The following INTS1 variants were observed in gnomAD, a reference collection of about 807,000 sequenced individuals.
INTS1 encodes the protein integrator complex subunit 1.
INTS1 carries 137 observed loss-of-function variants against 241.6 expected under a neutral mutation model. The ratio of observed to expected loss-of-function variants is 0.57; its 90% CI spans 0.49 to 0.65. The LOEUF is 0.65. Ranked by LOEUF, INTS1 falls within the 30% of genes least tolerant of loss-of-function variation. INTS1 has a pLI of 0.00. For missense variants in INTS1, 3,073 were observed against 3,032.2 expected (o/e 1.01, Z -0.32); for synonymous variants, 1,692 against 1,337.8 (o/e 1.26, Z -5.78).
At chr7:1,488,159 G>A (rs542671889) in intron 18 of INTS1, among the ~76,000 whole-genome samples, 11 of 152,280 alleles carry the variant, frequency 7.2e-5, no homozygotes, top group South Asian at 2.1e-4. Context: ...CCAGAGGCGC[G>A]GTCCAGCCAC....
Position 1,480,843 on chromosome 7 carries a change from G to A in INTS1, c.3941C>T (p.Pro1314Leu). The A allele has an allele frequency of 6.4e-7, 1 of 1,552,060 alleles. No individual in the cohort carries two copies. The highest frequency in any genetic ancestry group is 8.7e-7 in the Non-Finnish European group (1 of 1,148,660). ...FHSLLTASLP[P>L]RRDSTEAPKP... ...CCACCCCTCCCCAGTACCTCGGCGGGGCGGCAGGGAGGCTGTGAGCAAGGA... is the reference window on the plus strand; with the variant it reads ...CCACCCCTCCCCAGTACCTCGGCGGAGCGGCAGGGAGGCTGTGAGCAAGGA... The change falls in exon 29 of 48, where the codon CCC (proline) becomes CTC (leucine). Residue 1314 changes from proline to leucine, a missense_variant. Transcript: ENST00000404767.
Position 1,493,146 on chromosome 7 carries a change from C to T in INTS1, c.2069-40G>A. On this transcript the variant is annotated intron_variant, in intron 15 of 47. Transcript: ENST00000404767. This position sits in a 1 kb window ranked among gnomAD's most constrained non-coding sequence, Gnocchi z 5.3. ...CACACATGGGTTCTGGGGCTGCTCA[C>T]AGACCATCAGGCACAGGCAGCGAGG... is the stretch of plus-strand genomic sequence containing the variant. 1.3e-6 allele frequency: 2 copies of T among 1,552,448 alleles called. No homozygotes were observed. Among genetic ancestry groups the T allele is most frequent in the Non-Finnish European group, 1.8e-6 (2 of 1,125,262 alleles).
rs906994934 is a variant in INTS1 at position 1,472,820 on chromosome 7, C to CG, written c.6070+251dup. Among the ~76,000 whole-genome samples, 7 of 5,440 alleles carry CG rather than the reference C, an allele frequency of 1.3e-3. No individual in the cohort carries two copies. In the East Asian group the frequency reaches 0.018, roughly 14 times the overall value. 3.6% of individuals were successfully genotyped at this position (5,440 alleles called of 152,430 possible). ...TGGTGGATGGTGGATGTGCCAGGGA[C>CG]GGGGGGGTGGGGAGGGCCATTTGCC... On this transcript the variant is annotated intron_variant, in intron 43 of 47. Coordinates refer to ENST00000404767, the MANE Select transcript of INTS1 (RefSeq NM_001080453.3).
At chr7:1,483,669 A>C in intron 26 of INTS1, 73 bp downstream of exon 26, 1 of 1,162,426 alleles carries the variant, frequency 8.6e-7, no homozygotes, top group Non-Finnish European at 1.3e-6. Context: ...AGGATGCGGA[A>C]GCCGCTGGGT....
rs1783014283 is a variant in INTS1 at position 1,499,093 on chromosome 7, C to T, written c.1019G>A (p.Arg340His). 1.2e-6 allele frequency: 2 copies of T among 1,610,138 alleles called. No homozygotes were observed. Among genetic ancestry groups the T allele is most frequent in the Non-Finnish European group, 1.7e-6 (2 of 1,179,268 alleles). ...CCTGGAGACGTTGTCGATGGGCTGG[C>T]GCCGGTTCAGCTGGTCCCGCAGCAT... is the stretch of plus-strand genomic sequence containing the variant. Reference protein sequence around the residue: ...LDMLRDQLNRRQPIDNVSRNL... With the variant: ...LDMLRDQLNRHQPIDNVSRNL... Residue 340 changes from arginine to histidine, a missense_variant, in exon 8 of 48, where the codon CGC (arginine) becomes CAC (histidine). Arg to His is a conservative substitution (Grantham distance 29). Transcript: ENST00000404767.
Position 1,482,534 on chromosome 7 carries a change from C to T in INTS1, c.3703+12G>A. The stretch of plus-strand genomic sequence containing the variant: ...GTCAGCAGCCCCTGCCCAAGCCCAG[C>T]CTGGACCGTACCGGCGTCCACCAGG... On this transcript the variant is annotated intron_variant, in intron 27 of 47. Transcript: ENST00000404767. The T allele has an allele frequency of 6.3e-7, 1 of 1,599,318 alleles. No individual in the cohort carries two copies. The highest frequency in any genetic ancestry group is 2.2e-5 in the East Asian group (1 of 44,576).
intron 16 of INTS1, among the ~76,000 whole-genome samples, chr7:1,490,590 G>A (rs1008954959): frequency 2.6e-5 from 4 of 152,242 alleles, no homozygotes; most frequent in African/African-American, 9.6e-5. Context: ...TCTGGATAAA[G>A]GGAAATCCTC....
intron 16 of INTS1, among the ~76,000 whole-genome samples, chr7:1,491,116 A>G (rs1278175690): frequency 6.6e-6 from 1 of 152,252 alleles, no homozygotes; most frequent in Non-Finnish European, 1.5e-5. Context: ...ACCAAACTAT[A>G]ACATTCCCGG....
intron 45 of INTS1, 145 bp downstream of exon 45, chr7:1,471,426 C>A: frequency 9.7e-7 from 1 of 1,029,604 alleles, no homozygotes. Context: ...ACTGTGAACA[C>A]CTGGGCTGGG....
At position 1,481,049 on chromosome 7, in the gene INTS1, G is replaced by C; in HGVS notation, c.3851-116C>G. 1.3e-6 allele frequency: 1 copy of C among 780,042 alleles called. No homozygotes were observed. The highest frequency in any genetic ancestry group is 2.1e-6 in the Non-Finnish European group (1 of 466,310). 48.3% of individuals were successfully genotyped at this position (780,042 alleles called of 1,614,324 possible). The stretch of plus-strand genomic sequence containing the variant: ...CCCACCGTCACCAGCACTTCCCAAG[G>C]ACTTCAGAAGCTGGGTGAGCTCAGT... On this transcript the variant is annotated intron_variant, in intron 28 of 47. Coordinates refer to ENST00000404767, the MANE Select transcript of INTS1 (RefSeq NM_001080453.3). The surrounding 1 kb of genome is among the most constrained non-coding windows in gnomAD (Gnocchi z 6.8).
chr7:1,498,627 C>A (rs1782979064), intron 9 of INTS1, 74 bp from the exon 10 acceptor site: 1 of 1,556,168 alleles, frequency 6.4e-7, no homozygotes, highest in African/African-American at 1.4e-5. Flanking sequence ...CCCACTCCGC[C>A]CGCACCCCCG....
Position 1,476,329 on chromosome 7 carries a change from C to G in INTS1, c.5278G>C (p.Ala1760Pro). Residue 1760 changes from alanine to proline, a missense_variant, in exon 38 of 48, where the codon GCC becomes CCC. By Grantham distance (27) the Ala-to-Pro change is conservative. Transcript: ENST00000404767. ...CAGCTGAGCAGCAGGGGCAGCCGGGCCTGGATGAGGCTGCAGGCGGCTGTG... is the reference window on the plus strand; with the variant it reads ...CAGCTGAGCAGCAGGGGCAGCCGGGGCTGGATGAGGCTGCAGGCGGCTGTG... ...GDTAACSLIQ[A>P]RLPLLLSCCC... 1 of 1,586,590 alleles carries G rather than the reference C, an allele frequency of 6.3e-7. No homozygotes were observed. The highest frequency in any genetic ancestry group is 1.8e-5 in the Admixed American group (1 of 56,424).
At position 1,476,927 on chromosome 7, in the gene INTS1, G is replaced by A; in HGVS notation, c.4939-9C>T. 6.2e-7 allele frequency: 1 copy of A among 1,607,662 alleles called. No individual in the cohort carries two copies. On this transcript the variant is annotated splice_polypyrimidine_tract_variant and intron_variant, in intron 35 of 47. Coordinates refer to ENST00000404767, the MANE Select transcript of INTS1 (RefSeq NM_001080453.3). ...TGGGCCTGACCTTTGCCCTGGGGAG[G>A]GAGGAAGAAGCCCGGATGGCCTCAC... is the stretch of plus-strand genomic sequence containing the variant.
Position 1,487,927 on chromosome 7 carries a change from C to T in INTS1, c.2349G>A (p.Thr783=), listed in dbSNP as rs1782351779. 3 of 1,613,286 alleles carry T rather than the reference C, an allele frequency of 1.9e-6. No individual in the cohort carries two copies. The highest frequency in any genetic ancestry group is 3.3e-5 in the Admixed American group (2 of 60,000). Residue 783 remains threonine (T), a synonymous_variant, in exon 19 of 48, where the codon ACG becomes ACA. Coordinates refer to ENST00000404767, the MANE Select transcript of INTS1 (RefSeq NM_001080453.3). ...GCATCTCCGTCCGGGTCTCCTCATC[C>T]GTCAGGGTGCACGGTGGGTAGGAGT... ...NNYSYPPCTL[T]DEETRTEMLN... is the part of the protein sequence containing the mutation.
chr7:1,481,400 G>A lies in INTS1; in HGVS notation c.3792C>T (p.Phe1264=). The A allele has an allele frequency of 6.2e-7, 1 of 1,612,912 alleles. No homozygotes were observed. The highest frequency in any genetic ancestry group is 8.5e-7 in the Non-Finnish European group (1 of 1,179,724). ...GGTCGTGGGCCACTGCCTGGTCCAG[G>A]AACTGGAGGAGTTTGCTCATGCTGG... ...PVSSMSKLLQ[F]LDQAVAHDPQ... The change falls in exon 28 of 48, where the codon TTC becomes TTT. Residue 1264 remains phenylalanine, a synonymous_variant. Coordinates refer to ENST00000404767, the MANE Select transcript of INTS1 (RefSeq NM_001080453.3). The surrounding 1 kb of genome is among the most constrained non-coding windows in gnomAD (Gnocchi z 6.8).
In INTS1 at chr7:1,477,766, C is replaced by G. The variant is rs562787392; in HGVS notation, c.4801G>C (p.Ala1601Pro). Residue 1601 changes from alanine to proline, a missense_variant, in exon 34 of 48, where the codon GCG (alanine) becomes CCG (proline). Transcript: ENST00000404767. ...ACCCCAGCTCACCTGCCACCGTCCG[C>G]ACCCGGCTTCCCCCCAGCCAGGGGC... Reference protein sequence around the residue: ...EEPLAGGKPGADGGSLEAVRL... With the variant: ...EEPLAGGKPGPDGGSLEAVRL... 3 of 1,612,316 alleles carry G rather than the reference C, an allele frequency of 1.9e-6. No individual in the cohort carries two copies. In the African/African-American group the frequency reaches 4.0e-5, roughly 21 times the overall value.
chr7:1,471,400 C>T (rs773714296), intron 45 of INTS1, among the ~76,000 whole-genome samples, 171 bp downstream of exon 45: 3 of 152,206 alleles, frequency 2.0e-5, no homozygotes, highest in African/African-American at 7.2e-5. Context: ...GGCAGGCCTG[C>T]TCTGGCGGCG....
intron 24 of INTS1, 90 bp from the exon 25 acceptor site, chr7:1,484,260 T>C: frequency 7.3e-7 from 1 of 1,372,808 alleles, no homozygotes; most frequent in Non-Finnish European, 9.9e-7. Flanking sequence ...ACGCTCTCAC[T>C]GGGATCTTAA....
chr7:1,487,131 C>T (rs1409558067), intron 20 of INTS1, 30 bp from the exon 21 acceptor site: 1 of 1,537,324 alleles, frequency 6.5e-7, no homozygotes, highest in Non-Finnish European at 8.7e-7. Context: ...GCCCGCTCAG[C>T]ACCTTCCAGG....
Sources: allele counts gnomAD v4.1 joint callset (sites outside exome capture counted in the v4.1 genomes callset), GRCh38; gene constraint gnomAD v4.1.1; non-coding constraint Gnocchi (gnomAD v3.1); transcripts MANE v1.5; gene names NCBI Gene and HGNC (gene_info 2026-07-23, HGNC 2026-07-21).